The following SGSM2 variants were observed in gnomAD, a reference collection of about 807,000 sequenced individuals.
SGSM2 encodes the protein RUN and TBC1 domain containing 1.
A neutral mutation model predicts 126.6 loss-of-function variants in SGSM2; 89 were observed. That is an observed-to-expected ratio of 0.70 (90% CI 0.59 to 0.84). SGSM2 has a LOEUF of 0.84. SGSM2 is among the 40% of genes least tolerant of loss of function. The pLI, the probability that SGSM2 is intolerant of heterozygous loss-of-function variation, is 0.00. For synonymous variants in SGSM2, 614 were observed against 574.3 expected, an observed-to-expected ratio of 1.07 and a Z score of -0.99; for missense variants, 1,404 against 1,416.6, an observed-to-expected ratio of 0.99 and a Z score of 0.14.
At chr17:2,379,252 G>A in intron 23 of SGSM2, 49 bp downstream of exon 23, 1 of 1,595,398 alleles carries the variant, frequency 6.3e-7, no homozygotes, top group African/African-American at 1.3e-5. Context: ...AGGTGTGGAG[G>A]CCCCCACCTC....
rs985706935 is a variant in SGSM2, at chr17:2,376,131, T to C, written c.2485-6T>C. The C allele has an allele frequency of 1.4e-5, 22 of 1,614,038 alleles. No individual in the cohort carries two copies. Among genetic ancestry groups the C allele is most frequent in the Non-Finnish European group, 1.8e-5 (21 of 1,179,998 alleles). ...TCTCATGCCTGAGGGCCCTCCACTC[T>C]TCCAGATAGAATTACTGGACACTGT... On this transcript the variant is annotated splice_polypyrimidine_tract_variant and splice_region_variant and intron_variant, in intron 18 of 23. Transcript: ENST00000268989.
chr17:2,376,813 A>G lies in SGSM2; in HGVS notation c.2690A>G (p.Asn897Ser), dbSNP rs745407491. The change falls in exon 20 of 24, where the codon AAT (asparagine) becomes AGT (serine). Residue 897 changes from asparagine to serine, a missense_variant and splice_region_variant. Physicochemically the swap from Asn to Ser is conservative, Grantham distance 46. Transcript: ENST00000268989. Reference protein sequence around the residue: ...LLAPLLVTLDNDQLAYSCFSH... With the variant: ...LLAPLLVTLDSDQLAYSCFSH... ...GCGCCTCTCCTGGTCACCCTCGACA[A>G]TGGTGAGGGATGGCGGGACATGGGA... The G allele has an allele frequency of 4.3e-6, 7 of 1,613,910 alleles. No homozygotes were observed. In the African/African-American group the frequency reaches 8.0e-5, roughly 18 times the overall value.
Position 2,365,012 on chromosome 17 carries a change from G to A in SGSM2, c.1116G>A (p.Leu372=). ...TGTCCTGTCTGGAGAATGGGCTGCT[G>A]CCTCGGGGACAGCTAGAGCCCCCGC... is the stretch of plus-strand genomic sequence containing the variant. The part of the protein sequence containing the change: ...SFLSCLENGL[L]PRGQLEPPLW... Residue 372 remains leucine (L), a synonymous_variant, in exon 10 of 24, where the codon CTG becomes CTA. Transcript: ENST00000268989. The A allele has an allele frequency of 6.2e-7, 1 of 1,613,660 alleles. No individual in the cohort carries two copies. The highest frequency in any genetic ancestry group is 8.5e-7 in the Non-Finnish European group (1 of 1,179,976).
chr17:2,346,217 A>G (rs114499739), intron 2 of SGSM2, among the ~76,000 whole-genome samples: 78 of 152,288 alleles, frequency 5.1e-4, no homozygotes, highest in African/African-American at 1.8e-3. Context: ...AGCAGAGTGA[A>G]GTCTGTGGAG....
At chr17:2,347,590 G>C (rs547024077) in intron 2 of SGSM2, among the ~76,000 whole-genome samples, 1 of 150,852 alleles carries the variant, frequency 6.6e-6, no homozygotes, top group Non-Finnish European at 1.5e-5. Context: ...TTAAAGTATA[G>C]GCTGGTATCT....
intron 2 of SGSM2, among the ~76,000 whole-genome samples, chr17:2,349,268 T>C (rs1359620842): frequency 1.3e-5 from 2 of 152,056 alleles, no homozygotes; most frequent in East Asian, 3.9e-4. Flanking sequence ...CCCAGCTCTT[T>C]GGGAGGCTGA....
chr17:2,377,614 T>C, intron 21 of SGSM2: 1 of 351,568 alleles, frequency 2.8e-6, no homozygotes, highest in Non-Finnish European at 5.2e-6. Flanking sequence ...ACCCAGAAAA[T>C]CCTATAACCC....
chr17:2,348,202 G>A (rs1236998737), intron 2 of SGSM2, among the ~76,000 whole-genome samples: 1 of 152,186 alleles, frequency 6.6e-6, no homozygotes. Flanking sequence ...AGAAGCCGGT[G>A]CTAGGGAAGG....
intron 2 of SGSM2, among the ~76,000 whole-genome samples, chr17:2,344,820 A>C (rs1353588896): frequency 1.3e-5 from 2 of 152,156 alleles, no homozygotes; most frequent in Non-Finnish European, 2.9e-5. Flanking sequence ...CAAGTTTCTT[A>C]ACTTCTCTCA....
intron 11 of SGSM2, 148 bp downstream of exon 11, chr17:2,365,489 C>A: frequency 1.0e-6 from 1 of 963,828 alleles, no homozygotes; most frequent in Non-Finnish European, 1.5e-6. Flanking sequence ...CTCAGCTGGA[C>A]CTTTTACCCA....
intron 3 of SGSM2, 75 bp downstream of exon 3, chr17:2,361,874 C>A: frequency 6.6e-7 from 1 of 1,507,378 alleles, no homozygotes; most frequent in Non-Finnish European, 8.9e-7. Context: ...CTAGGACACC[C>A]ATCGGAAAGT....
chr17:2,366,189 C>T (rs950854646), intron 11 of SGSM2, among the ~76,000 whole-genome samples: 44 of 152,260 alleles, frequency 2.9e-4, no homozygotes, highest in Non-Finnish European at 4.9e-4. Context: ...TGGGCACTGG[C>T]GGGTAGAAAG....
intron 1 of SGSM2, among the ~76,000 whole-genome samples, chr17:2,340,175 T>G (rs1365562723): frequency 6.6e-6 from 1 of 151,566 alleles, no homozygotes; most frequent in Admixed American, 6.6e-5. Flanking sequence ...AGTGCAGTGG[T>G]GCGATCTCAG....
chr17:2,380,685 A>G lies in SGSM2; in HGVS notation c.*1165A>G. 1 of 313,362 alleles carries G rather than the reference A, an allele frequency of 3.2e-6. No individual in the cohort carries two copies. Among genetic ancestry groups the G allele is most frequent in the Non-Finnish European group, 6.1e-6 (1 of 162,648 alleles). The allele number at this position is 313,362 out of a possible 1,614,324, so 19.4% of individuals were successfully genotyped here. A position where few individuals can be genotyped will look rare whatever the true frequency, so the allele number is the denominator to read the frequency against. On this transcript the variant is annotated 3_prime_UTR_variant, in exon 24 of 24. Coordinates refer to ENST00000268989, the MANE Select transcript of SGSM2 (RefSeq NM_014853.3). ...CCCACTTCCTCCTCTACCCCAACAC[A>G]TGCAGGCTAGGCCTTGCCCTGGAAC...
intron 12 of SGSM2, among the ~76,000 whole-genome samples, chr17:2,369,366 G>A (rs2065750562): frequency 6.6e-6 from 1 of 152,076 alleles, no homozygotes; most frequent in Non-Finnish European, 1.5e-5. Context: ...TTCTGCTCCA[G>A]GCCAGGCACC....
At chr17:2,340,746 G>C (rs912768000) in intron 1 of SGSM2, among the ~76,000 whole-genome samples, 3 of 151,706 alleles carry the variant, frequency 2.0e-5, no homozygotes, top group Admixed American at 6.6e-5. Context: ...CACCACGCCC[G>C]GCTAATTTTT....
Position 2,376,054 on chromosome 17 carries a change from T to A in SGSM2, c.2485-83T>A, listed in dbSNP as rs895287608. On this transcript the variant is annotated intron_variant, in intron 18 of 23. Transcript: ENST00000268989. Reference sequence around the variant, plus strand: ...CTCTGGTCTCTGGGTTCCGTTTTGCTGCATTTCTTGGGGCGTCACCTCCTG... The same window carrying A: ...CTCTGGTCTCTGGGTTCCGTTTTGCAGCATTTCTTGGGGCGTCACCTCCTG... The A allele has an allele frequency of 3.1e-6, 5 of 1,596,344 alleles. No homozygotes were observed. The African/African-American group carries it at 5.4e-5, about 17-fold the overall frequency.
At chr17:2,338,068 C>G (rs969675414) in intron 1 of SGSM2, among the ~76,000 whole-genome samples, 3 of 151,998 alleles carry the variant, frequency 2.0e-5, no homozygotes, top group African/African-American at 7.2e-5. Context: ...CCGGAGCTGC[C>G]CATTCAGTGC....
At chr17:2,345,699 G>A (rs553379644) in intron 2 of SGSM2, among the ~76,000 whole-genome samples, 2 of 151,978 alleles carry the variant, frequency 1.3e-5, no homozygotes, top group Admixed American at 6.6e-5. Flanking sequence ...GCCAGCCTCT[G>A]CCAGTGTGCA....
Sources: gnomAD v4.1 joint callset for allele counts (sites outside exome capture counted in the v4.1 genomes callset) on GRCh38, gnomAD v4.1.1 for gene constraint, MANE v1.5 for transcripts, NCBI Gene and HGNC (gene_info 2026-07-23, HGNC 2026-07-21) for gene names.